FHIT: variants seen among roughly 807,000 people sequenced by gnomAD.
The protein encoded by FHIT is bis(5'-adenosyl)-triphosphatase.
Under a neutral mutation model 17.9 loss-of-function variants are expected in FHIT, and 19 were observed. The observed-to-expected ratio is 1.06, with a 90% CI of 0.74 to 1.56. FHIT has a LOEUF of 1.56. Ranked by LOEUF, FHIT falls within the 40% of genes most tolerant of loss-of-function variation. FHIT has a pLI of 0.00. For synonymous variants in FHIT, 81 were observed against 69.7 expected (o/e 1.16, Z -0.81); for missense variants, 248 against 189.2 (o/e 1.31, Z -1.82).
chr3:60,290,465 G>C (rs1420770720), intron 5 of FHIT, among the ~76,000 whole-genome samples: 1 of 152,044 alleles, frequency 6.6e-6, no homozygotes, highest in East Asian at 2.0e-4. Flanking sequence ...AGCCTCATGT[G>C]GCAGAGAACT....
At chr3:60,488,068 A>AG in intron 5 of FHIT, among the ~76,000 whole-genome samples, 1 of 152,360 alleles carries the variant, frequency 6.6e-6, no homozygotes, top group South Asian at 2.1e-4. Flanking sequence ...AGGCTAAAAA[A>AG]GAAAATCCTG....
intron 5 of FHIT, among the ~76,000 whole-genome samples, chr3:60,373,407 G>A (rs1316196276): frequency 2.6e-5 from 4 of 152,182 alleles, no homozygotes; most frequent in Admixed American, 2.6e-4. Flanking sequence ...GATGAGAGCA[G>A]GTCAGTGTGG....
chr3:60,016,796 A>G (rs1422855807), intron 5 of FHIT, among the ~76,000 whole-genome samples: 1 of 152,204 alleles, frequency 6.6e-6, no homozygotes. Flanking sequence ...TGTCCTTAAA[A>G]ATGGTCCAGA....
intron 8 of FHIT, among the ~76,000 whole-genome samples, chr3:59,763,804 G>A (rs915365888): frequency 6.6e-6 from 1 of 152,176 alleles, no homozygotes; most frequent in African/African-American, 2.4e-5. Context: ...ACTGGCTGAA[G>A]GCAAGTGTCT....
At chr3:61,214,661 G>C (rs2039611091) in intron 1 of FHIT, among the ~76,000 whole-genome samples, 1 of 152,080 alleles carries the variant, frequency 6.6e-6, no homozygotes, top group Admixed American at 6.6e-5. Context: ...ATTTTATGAG[G>C]CCAGCATCAT....
In FHIT at chr3:60,363,387, C is replaced by A. The variant is rs961094648; in HGVS notation, c.103+173473G>T. On this transcript the variant is annotated intron_variant, in intron 5 of 9. Coordinates refer to ENST00000492590, the MANE Select transcript of FHIT (RefSeq NM_002012.4). ...TAACTTTTCAAAACAAATCTAATCA[C>A]CTTATCATTCTTTTATTTCAAGTAA... Among the ~76,000 whole-genome samples, 2 of 152,150 alleles carry A rather than the reference C, an allele frequency of 1.3e-5. 1 individual carries two copies. Among genetic ancestry groups the A allele is most frequent in the African/African-American group, 4.8e-5 (2 of 41,428 alleles).
chr3:61,229,658 G>A (rs1366019194), intron 1 of FHIT, among the ~76,000 whole-genome samples: 1 of 152,136 alleles, frequency 6.6e-6, no homozygotes, highest in African/African-American at 2.4e-5. Flanking sequence ...GATTAAGGAG[G>A]TATGTCAAAC....
intron 5 of FHIT, among the ~76,000 whole-genome samples, chr3:60,517,505 A>G (rs1482073000): frequency 1.3e-5 from 2 of 152,174 alleles, no homozygotes; most frequent in Non-Finnish European, 2.9e-5. Flanking sequence ...CACTGATATT[A>G]CTATGAATTT....
At chr3:60,937,565 T>A (rs4260356) in intron 3 of FHIT, among the ~76,000 whole-genome samples, 1 of 127,686 alleles carries the variant, frequency 7.8e-6, no homozygotes, top group South Asian at 2.6e-4. Context: ...TTCTTTTCTT[T>A]TCTTTTTTTT....
Position 60,118,338 on chromosome 3 carries a change from C to T in FHIT, c.104-104186G>A, listed in dbSNP as rs576223638. On this transcript the variant is annotated intron_variant, in intron 5 of 9. Coordinates refer to ENST00000492590, the MANE Select transcript of FHIT (RefSeq NM_002012.4). The stretch of plus-strand genomic sequence containing the variant: ...TTCCAGGATGGTCTTGAACTCCTGG[C>T]CTCAAGGAATCCTCCTGCCTAAGCC... 6.6e-5 allele frequency among the ~76,000 whole-genome samples: 10 copies of T among 151,064 alleles called. No individual in the cohort carries two copies. The South Asian group carries it at 2.1e-3, about 32-fold the overall frequency.
intron 5 of FHIT, among the ~76,000 whole-genome samples, chr3:60,106,665 G>A (rs1704428182): frequency 6.6e-6 from 1 of 152,134 alleles, no homozygotes; most frequent in African/African-American, 2.4e-5. Context: ...CTGCTTCCCA[G>A]AAGAGATGAG....
chr3:60,157,529 T>C lies in FHIT; in HGVS notation c.104-143377A>G, dbSNP rs1700755285. Among the ~76,000 whole-genome samples the C allele has an allele frequency of 4.6e-5, 7 of 152,150 alleles. No homozygotes were observed. The South Asian group carries it at 1.4e-3, about 32-fold the overall frequency. ...TGTATTAGCATCCCAAGCAGTCTGG[T>C]GTGGGACTAGCTAAATACAGGCAGC... On this transcript the variant is annotated intron_variant, in intron 5 of 9. Transcript: ENST00000492590.
chr3:60,457,151 G>A (rs1353456549), intron 5 of FHIT, among the ~76,000 whole-genome samples: 1 of 152,074 alleles, frequency 6.6e-6, no homozygotes, highest in Non-Finnish European at 1.5e-5. Flanking sequence ...GAACAAAGCT[G>A]GAGGCATCAC....
intron 5 of FHIT, among the ~76,000 whole-genome samples, chr3:60,316,602 A>G (rs1053016552): frequency 6.6e-6 from 1 of 152,212 alleles, no homozygotes; most frequent in African/African-American, 2.4e-5. Context: ...AATGCATTAC[A>G]GCCACATCTA....
chr3:60,431,021 G>A (rs1182117627), intron 5 of FHIT, among the ~76,000 whole-genome samples: 7 of 152,136 alleles, frequency 4.6e-5, no homozygotes, highest in African/African-American at 1.7e-4. Context: ...AGACCAGCCT[G>A]GACAACATGG....
chr3:60,560,902 GAAGGGACAC>G (rs2036919908), intron 4 of FHIT, among the ~76,000 whole-genome samples: 1 of 150,800 alleles, frequency 6.6e-6, no homozygotes, highest in South Asian at 2.1e-4. Flanking sequence ...AAGTGAGTAG[GAAGGGACAC>G]AGAGCCAGGG....
chr3:61,080,813 T>C (rs1003881242), intron 2 of FHIT, among the ~76,000 whole-genome samples: 1 of 152,040 alleles, frequency 6.6e-6, no homozygotes, highest in Non-Finnish European at 1.5e-5. Context: ...TGGGGAAACA[T>C]TCCTGGCTCC....
intron 3 of FHIT, among the ~76,000 whole-genome samples, chr3:60,969,696 CTATG>C (rs1431045524): frequency 6.6e-6 from 1 of 152,008 alleles, no homozygotes; most frequent in African/African-American, 2.4e-5. Flanking sequence ...AAGATAAACT[CTATG>C]GTTTAAAGCC....
At chr3:60,511,779 A>G (rs1302610720) in intron 5 of FHIT, among the ~76,000 whole-genome samples, 1 of 152,180 alleles carries the variant, frequency 6.6e-6, no homozygotes, top group Non-Finnish European at 1.5e-5. Context: ...TGAAGCAGGG[A>G]AAGTATGTTA....
Sources: allele counts gnomAD v4.1 joint callset (sites outside exome capture counted in the v4.1 genomes callset), GRCh38; gene constraint gnomAD v4.1.1; transcripts MANE v1.5; gene names NCBI Gene and HGNC (gene_info 2026-07-23, HGNC 2026-07-21).